Variants in COLQ observed in about 807,000 individuals in gnomAD.
COLQ encodes the protein collagen like tail subunit of asymmetric acetylcholinesterase.
A neutral mutation model predicts 69.0 loss-of-function variants in COLQ; 48 were observed. The ratio of observed to expected loss-of-function variants is 0.70; its 90% CI spans 0.55 to 0.88. The LOEUF is 0.88. COLQ is among the 40% of genes least tolerant of loss of function. COLQ has a pLI of 0.00. For synonymous variants in COLQ, 217 were observed against 211.2 expected (o/e 1.03, Z -0.24); for missense variants, 618 against 594.6 (o/e 1.04, Z -0.41).
chr3:15,515,671 T>C (rs2063051410), intron 1 of COLQ, among the ~76,000 whole-genome samples: 1 of 151,922 alleles, frequency 6.6e-6, no homozygotes, highest in Non-Finnish European at 1.5e-5. Flanking sequence ...CTGGGCGTGG[T>C]GGTGGGAGCC....
intron 1 of COLQ, among the ~76,000 whole-genome samples, chr3:15,499,223 A>C (rs2062797443): frequency 6.6e-6 from 1 of 152,220 alleles, no homozygotes; most frequent in African/African-American, 2.4e-5. Flanking sequence ...TTTTGGATGA[A>C]GCGGCATATA....
At chr3:15,453,530 T>G (rs1245243070) in intron 16 of COLQ, among the ~76,000 whole-genome samples, 1 of 152,076 alleles carries the variant, frequency 6.6e-6, no homozygotes, top group East Asian at 1.9e-4. Context: ...CCACTGGGTT[T>G]GGGGGCTGCT....
intron 16 of COLQ, among the ~76,000 whole-genome samples, chr3:15,453,607 T>C (rs2061980072): frequency 6.6e-6 from 1 of 152,104 alleles, no homozygotes; most frequent in Admixed American, 6.6e-5. Flanking sequence ...AGCAGGTGGC[T>C]GTGGGTGCCG....
chr3:15,520,841 T>A (rs1047985887), intron 1 of COLQ, among the ~76,000 whole-genome samples: 3 of 152,036 alleles, frequency 2.0e-5, no homozygotes, highest in African/African-American at 7.3e-5. Flanking sequence ...CACACTCAGC[T>A]CCAGACCTGG....
At chr3:15,475,176 G>T in intron 7 of COLQ, 1 of 657,926 alleles carries the variant, frequency 1.5e-6, no homozygotes, top group Non-Finnish European at 2.7e-6. Flanking sequence ...CCTGATCAAA[G>T]GTTTCCATCT....
intron 10 of COLQ, among the ~76,000 whole-genome samples, chr3:15,472,460 T>C (rs1035648712): frequency 6.6e-6 from 1 of 152,252 alleles, no homozygotes; most frequent in Non-Finnish European, 1.5e-5. Context: ...AAAATTGTTT[T>C]AGTTTGGTAA....
At chr3:15,519,762 C>T (rs1307966331) in intron 1 of COLQ, among the ~76,000 whole-genome samples, 1 of 152,160 alleles carries the variant, frequency 6.6e-6, no homozygotes, top group Non-Finnish European at 1.5e-5. Flanking sequence ...GCAAAGAGTT[C>T]AAAAGAAAAC....
At chr3:15,470,694 T>A in intron 10 of COLQ, 78 bp from the exon 11 acceptor site, 1 of 1,335,888 alleles carries the variant, frequency 7.5e-7, no homozygotes, top group Non-Finnish European at 1.1e-6. Context: ...TAGCCAGTCA[T>A]TGGCTACGAG....
In COLQ at chr3:15,458,095, G is replaced by C; in HGVS notation, c.954+91C>G. On this transcript the variant is annotated intron_variant, in intron 13 of 16. Coordinates refer to ENST00000383788, the MANE Select transcript of COLQ (RefSeq NM_005677.4). Reference sequence around the variant, plus strand: ...TACTCAGAGTCGTGAAAAAAAGTTAGTTTTACTGAAAGGATTTTACAAAGC... The same window carrying C: ...TACTCAGAGTCGTGAAAAAAAGTTACTTTTACTGAAAGGATTTTACAAAGC... 4.8e-6 allele frequency: 7 copies of C among 1,467,380 alleles called. No individual in the cohort carries two copies. The Admixed American group carries it at 1.2e-4, about 25-fold the overall frequency. The allele number at this position is 1,467,380 out of a possible 1,614,324, so 90.9% of individuals were successfully genotyped here. A position where few individuals can be genotyped will look rare whatever the true frequency, so the allele number is the denominator to read the frequency against.
At chr3:15,519,917 G>T (rs927884468) in intron 1 of COLQ, among the ~76,000 whole-genome samples, 3 of 152,288 alleles carry the variant, frequency 2.0e-5, no homozygotes, top group African/African-American at 7.2e-5. Context: ...TGATTACTAT[G>T]TGCCAGGCAC....
At chr3:15,520,860 G>A (rs954441982) in intron 1 of COLQ, among the ~76,000 whole-genome samples, 1 of 152,136 alleles carries the variant, frequency 6.6e-6, no homozygotes, top group African/African-American at 2.4e-5. Flanking sequence ...GGCTGTCACT[G>A]TGGAACCCCC....
chr3:15,506,484 A>G (rs1487249305), intron 1 of COLQ: 1 of 152,224 alleles, frequency 6.6e-6, no homozygotes, highest in Admixed American at 6.5e-5. Context: ...TTTTCTATGT[A>G]TACTTCTGGG....
intron 1 of COLQ, among the ~76,000 whole-genome samples, chr3:15,505,200 G>A (rs2062891698): frequency 6.6e-6 from 1 of 152,158 alleles, no homozygotes; most frequent in Non-Finnish European, 1.5e-5. Context: ...CCACCTGGAG[G>A]AACCTGAAGC....
chr3:15,500,737 C>T (rs2062819103), intron 1 of COLQ, among the ~76,000 whole-genome samples: 1 of 152,216 alleles, frequency 6.6e-6, no homozygotes, highest in Admixed American at 6.5e-5. Context: ...GTCTCATTCT[C>T]TGGCATTGTC....
intron 1 of COLQ, among the ~76,000 whole-genome samples, chr3:15,498,133 C>A (rs979051677): frequency 1.3e-5 from 2 of 152,128 alleles, no homozygotes; most frequent in Non-Finnish European, 2.9e-5. Context: ...GCCCAGACTA[C>A]AGAACACGAT....
chr3:15,505,962 T>C (rs1228665353), intron 1 of COLQ, among the ~76,000 whole-genome samples: 1 of 152,160 alleles, frequency 6.6e-6, no homozygotes, highest in Non-Finnish European at 1.5e-5. Context: ...ACCTCCAGGA[T>C]CTATTGTCCA....
chr3:15,489,494 T>G (rs2062627496), intron 2 of COLQ, 31 bp downstream of exon 2: 1 of 1,608,950 alleles, frequency 6.2e-7, no homozygotes, highest in African/African-American at 1.3e-5. Context: ...GCCTGCACTT[T>G]TTTTCCTCTC....
rs564531547 is a variant in COLQ, at chr3:15,518,553, G to A, written c.106+2967C>T. ...CTCTGATGTTTTTTGCTCCTTCCTG[G>A]TTCTCCTCTGGGACCCAGCAGAGGA... On this transcript the variant is annotated intron_variant, in intron 1 of 16. Transcript: ENST00000383788. Among the ~76,000 whole-genome samples, 23 of 152,278 alleles carry A rather than the reference G, an allele frequency of 1.5e-4. No individual in the cohort carries two copies. The South Asian group carries it at 4.4e-3, about 29-fold the overall frequency.
At position 15,452,068 on chromosome 3, in the gene COLQ, ATTT is replaced by A. The variant is rs10589288; in HGVS notation, c.1299-358_1299-356del. Among the ~76,000 whole-genome samples, 266 of 143,046 alleles carry A rather than the reference ATTT, an allele frequency of 1.9e-3. 1 individual carries two copies. Among genetic ancestry groups the A allele is most frequent in the African/African-American group, 2.8e-3 (106 of 38,430 alleles). The allele number at this position is 143,046 out of a possible 152,430, so 93.8% of individuals were successfully genotyped here. ...GTAGTTACTGTGACTGAATAACTGC[ATTT>A]TTTTTTTTTTTTTGAGACAGAGTTT... On this transcript the variant is annotated intron_variant, in intron 16 of 16. Coordinates refer to ENST00000383788, the MANE Select transcript of COLQ (RefSeq NM_005677.4).
Sources: allele counts gnomAD v4.1 joint callset (sites outside exome capture counted in the v4.1 genomes callset), GRCh38; gene constraint gnomAD v4.1.1; transcripts MANE v1.5; gene names NCBI Gene and HGNC (gene_info 2026-07-23, HGNC 2026-07-21).